Variants in ME1 observed in about 807,000 individuals in gnomAD.
The protein encoded by ME1 is malic enzyme 1.
A neutral mutation model predicts 66.4 loss-of-function variants in ME1; 74 were observed. The observed-to-expected ratio is 1.11, with a 90% CI of 0.92 to 1.35. ME1 has a LOEUF of 1.35. ME1 is among the 40% of genes most tolerant of loss of function. The pLI is 0.00. For synonymous variants in ME1, 251 were observed against 235.6 expected (o/e 1.07, Z -0.60); for missense variants, 750 against 694.1 (o/e 1.08, Z -0.90).
chr6:83,277,871 C>T (rs1583353169), intron 6 of ME1, among the ~76,000 whole-genome samples: 2 of 125,992 alleles, frequency 1.6e-5, no homozygotes, highest in African/African-American at 6.0e-5. Flanking sequence ...CATTGCACTC[C>T]AGCTTGGGCG....
chr6:83,425,820 C>T (rs4706996), intron 1 of ME1, among the ~76,000 whole-genome samples: 71,167 of 152,024 alleles, frequency 0.47, 18,549 homozygotes, highest in African/African-American at 0.69. Flanking sequence ...AAAGCTCTAG[C>T]AGTTATATTC....
intron 9 of ME1, among the ~76,000 whole-genome samples, chr6:83,233,322 T>C (rs151333403): frequency 0.026 from 4,029 of 152,192 alleles, 81 homozygotes; most frequent in Admixed American, 0.055. Context: ...TATTTTCCAC[T>C]ATAAAAAACT....
intron 5 of ME1, among the ~76,000 whole-genome samples, chr6:83,328,399 C>G (rs1173348060): frequency 6.6e-6 from 1 of 152,066 alleles, no homozygotes; most frequent in South Asian, 2.1e-4. Context: ...ACCACCATGG[C>G]ACATGTATAC....
chr6:83,240,662 A>G (rs1790494989), intron 7 of ME1, among the ~76,000 whole-genome samples: 2 of 152,254 alleles, frequency 1.3e-5, no homozygotes, highest in South Asian at 2.1e-4. Context: ...TGGGTAGTAA[A>G]GCCTAGCTAA....
chr6:83,379,783 G>A (rs9449615), intron 3 of ME1, among the ~76,000 whole-genome samples: 2 of 151,868 alleles, frequency 1.3e-5, no homozygotes, highest in East Asian at 1.9e-4. Flanking sequence ...GTTTCAATAC[G>A]TAGAAACTTC....
chr6:83,362,841 C>T (rs960353876), intron 3 of ME1, among the ~76,000 whole-genome samples: 1 of 152,196 alleles, frequency 6.6e-6, no homozygotes, highest in East Asian at 1.9e-4. Context: ...ACAGCATTGC[C>T]TCTAACAAAG....
intron 7 of ME1, among the ~76,000 whole-genome samples, chr6:83,250,814 C>T (rs1023636619): frequency 6.6e-6 from 1 of 152,198 alleles, no homozygotes; most frequent in East Asian, 1.9e-4. Flanking sequence ...ATGTTTAATT[C>T]TTTAGACCAA....
At chr6:83,298,800 C>A (rs1465533302) in intron 6 of ME1, among the ~76,000 whole-genome samples, 1 of 151,852 alleles carries the variant, frequency 6.6e-6, no homozygotes, top group East Asian at 1.9e-4. Context: ...CCAGTTTTCC[C>A]AGAACTATTT....
intron 5 of ME1, among the ~76,000 whole-genome samples, chr6:83,319,908 A>G (rs1034696386): frequency 6.6e-6 from 1 of 152,180 alleles, no homozygotes; most frequent in African/African-American, 2.4e-5. Flanking sequence ...TCACCGTTGT[A>G]TGTTTGATAT....
At chr6:83,344,309 A>T (rs1051224622) in intron 5 of ME1, among the ~76,000 whole-genome samples, 1 of 150,394 alleles carries the variant, frequency 6.6e-6, no homozygotes, top group Non-Finnish European at 1.5e-5. Context: ...AAAAAAAGCC[A>T]AATTCTAACA....
intron 5 of ME1, among the ~76,000 whole-genome samples, chr6:83,343,376 G>T (rs1430837778): frequency 2.0e-5 from 3 of 152,154 alleles, no homozygotes; most frequent in South Asian, 2.1e-4. Context: ...TTTCAGAAAG[G>T]TCTCTCAAAG....
chr6:83,270,954 A>T (rs1767071544), intron 6 of ME1, among the ~76,000 whole-genome samples: 1 of 152,062 alleles, frequency 6.6e-6, no homozygotes, highest in East Asian at 1.9e-4. Context: ...AACAAGATAA[A>T]TTTATAATCA....
chr6:83,385,618 C>T (rs191693458), intron 3 of ME1, among the ~76,000 whole-genome samples: 19 of 151,922 alleles, frequency 1.3e-4, no homozygotes, highest in South Asian at 2.1e-4. Flanking sequence ...TATACGTCTA[C>T]GCACAAATTT....
chr6:83,344,102 C>A (rs1583391887), intron 5 of ME1, among the ~76,000 whole-genome samples: 1 of 149,462 alleles, frequency 6.7e-6, no homozygotes, highest in African/African-American at 2.5e-5. Context: ...CATAGCAAGA[C>A]CCCGTCTAAA....
intron 6 of ME1, among the ~76,000 whole-genome samples, chr6:83,283,635 A>T (rs1767347888): frequency 6.6e-6 from 1 of 152,204 alleles, no homozygotes; most frequent in Non-Finnish European, 1.5e-5. Context: ...CATTAACAAA[A>T]TCTTAAAGAA....
intron 5 of ME1, among the ~76,000 whole-genome samples, chr6:83,324,013 A>G (rs1768233211): frequency 6.6e-6 from 1 of 152,202 alleles, no homozygotes; most frequent in South Asian, 2.1e-4. Flanking sequence ...CAATCAAATT[A>G]GAACTCAAGA....
At chr6:83,395,881 A>G (rs547009497) in intron 3 of ME1, among the ~76,000 whole-genome samples, 1 of 152,266 alleles carries the variant, frequency 6.6e-6, no homozygotes, top group South Asian at 2.1e-4. Context: ...AAGAAGTTAA[A>G]TGGTCTCTGT....
At chr6:83,244,879 A>G (rs1790589640) in intron 7 of ME1, among the ~76,000 whole-genome samples, 1 of 152,168 alleles carries the variant, frequency 6.6e-6, no homozygotes, top group Non-Finnish European at 1.5e-5. Context: ...AAAGAGGTAA[A>G]AGAGCATATA....
intron 5 of ME1, among the ~76,000 whole-genome samples, chr6:83,344,126 G>T (rs1768641509): frequency 6.7e-6 from 1 of 150,004 alleles, no homozygotes. Flanking sequence ...AAAAAAAAAG[G>T]TTAAAAAAAA....
Sources: gnomAD v4.1 joint callset for allele counts (sites outside exome capture counted in the v4.1 genomes callset) on GRCh38, gnomAD v4.1.1 for gene constraint, MANE v1.5 for transcripts, NCBI Gene and HGNC (gene_info 2026-07-23, HGNC 2026-07-21) for gene names.